Variants in EGFL6 observed in about 807,000 individuals in gnomAD.
EGFL6 encodes EGF like domain multiple 6.
Under a neutral mutation model 43.1 loss-of-function variants are expected in EGFL6, and 42 were observed. The observed-to-expected ratio is 0.98, with a 90% CI of 0.76 to 1.26. The LOEUF (loss-of-function observed/expected upper bound fraction) is 1.26. EGFL6 is among the 50% of genes most tolerant of loss of function. The probability of loss-of-function intolerance (pLI) is 0.00; values close to 1 mark genes in which losing one functional copy is unlikely to be tolerated. For synonymous variants in EGFL6, 164 were observed against 163.2 expected (o/e 1.01, Z -0.04); for missense variants, 429 against 427.8 (o/e 1.00, Z -0.02).
Position 13,614,825 on chromosome X carries a change from G to C in EGFL6, c.779-2905G>C, listed in dbSNP as rs760407845. On this transcript the variant is annotated intron_variant, in intron 7 of 11. Coordinates refer to ENST00000361306, the MANE Select transcript of EGFL6 (RefSeq NM_015507.4). The stretch of plus-strand genomic sequence containing the variant: ...AGTAGTGGCATGATCTCAGCTCACT[G>C]CAACCTCTGCTTCCTGGGTTCAAGC... Among the ~76,000 whole-genome samples, 3 of 107,975 alleles carry C rather than the reference G, an allele frequency of 2.8e-5. No individual in the cohort carries two copies. The East Asian group carries it at 8.7e-4, about 31-fold the overall frequency. The allele number at this position is 107,975 out of a possible 115,157, so 93.8% of individuals were successfully genotyped here. A position where few individuals can be genotyped will look rare whatever the true frequency, so the allele number is the denominator to read the frequency against.
chrX:13,570,969 C>A (rs1184177155), intron 1 of EGFL6, among the ~76,000 whole-genome samples: 1 of 111,308 alleles, frequency 9.0e-6, no homozygotes, highest in Non-Finnish European at 1.9e-5. Flanking sequence ...GTTTTTCCAC[C>A]GCAGCATTAT....
At chrX:13,632,305 T>G (rs1268294138) in intron 11 of EGFL6, among the ~76,000 whole-genome samples, 2 of 96,022 alleles carry the variant, frequency 2.1e-5, no homozygotes, top group African/African-American at 7.7e-5. Context: ...TGGTTTTTTT[T>G]TTTTTTTTTT....
At chrX:13,574,276 C>A (rs1236054674) in intron 1 of EGFL6, among the ~76,000 whole-genome samples, 2 of 111,858 alleles carry the variant, frequency 1.8e-5, no homozygotes, top group Non-Finnish European at 3.8e-5. Context: ...TGGCTCCTGC[C>A]AAGACAAAAA....
intron 1 of EGFL6, among the ~76,000 whole-genome samples, chrX:13,582,692 T>C (rs967582987): frequency 2.4e-4 from 27 of 111,345 alleles, no homozygotes; most frequent in Non-Finnish European, 5.7e-5. Flanking sequence ...GCAATAAAGA[T>C]TGAGAAAATG....
At chrX:13,626,950 A>T (rs2045783647) in intron 10 of EGFL6, 61 bp from the exon 11 acceptor site, 1 of 1,145,929 alleles carries the variant, frequency 8.7e-7, no homozygotes, top group African/African-American at 1.8e-5. Context: ...TTTTTTATAC[A>T]TTAAAGCCAA....
At chrX:13,590,551 T>TAACA (rs1305811842) in intron 2 of EGFL6, among the ~76,000 whole-genome samples, 1 of 112,023 alleles carries the variant, frequency 8.9e-6, no homozygotes, top group African/African-American at 3.3e-5. Flanking sequence ...ATAAAAGCAC[T>TAACA]AACATGTTAG....
intron 1 of EGFL6, among the ~76,000 whole-genome samples, chrX:13,578,481 T>G (rs890770333): frequency 9.3e-6 from 1 of 107,619 alleles, no homozygotes; most frequent in Non-Finnish European, 1.9e-5. Context: ...CATGCACACG[T>G]ATGTTTATTG....
At position 13,594,865 on chromosome X, in the gene EGFL6, G is replaced by C; in HGVS notation, c.217G>C (p.Glu73Gln). Residue 73 changes from glutamate to glutamine, a missense_variant, in exon 3 of 12, where the codon GAG becomes CAG. Physicochemically the swap from Glu to Gln is conservative, Grantham distance 29. Coordinates refer to ENST00000361306, the MANE Select transcript of EGFL6 (RefSeq NM_015507.4). Reference protein sequence around the residue: ...ATCEPGCKFGECVGPNKCRCF... With the variant: ...ATCEPGCKFGQCVGPNKCRCF... ...ATGCGAACCTGGATGTAAGTTTGGT[G>C]AGTGCGTGGGACCAAACAAATGCAG... is the stretch of plus-strand genomic sequence containing the variant. 3 of 1,210,722 alleles carry C rather than the reference G, an allele frequency of 2.5e-6. No individual in the cohort carries two copies. The highest frequency in any genetic ancestry group is 3.4e-6 in the Non-Finnish European group (3 of 894,834).
intron 11 of EGFL6, among the ~76,000 whole-genome samples, chrX:13,631,301 A>C (rs925359491): frequency 2.7e-5 from 3 of 111,871 alleles, no homozygotes; most frequent in Non-Finnish European, 5.6e-5. Context: ...CTCTAGGCCT[A>C]GTCTGCTCTT....
At chrX:13,603,166 T>C in intron 4 of EGFL6, 151 bp from the exon 5 acceptor site, 1 of 651,147 alleles carries the variant, frequency 1.5e-6, no homozygotes, top group South Asian at 3.7e-5. Context: ...TGATCCCTTT[T>C]GGCTCTCCAT....
At chrX:13,570,823 G>C (rs2045437671) in intron 1 of EGFL6, among the ~76,000 whole-genome samples, 1 of 111,931 alleles carries the variant, frequency 8.9e-6, no homozygotes, top group Admixed American at 9.4e-5. Flanking sequence ...GATGGAGCCA[G>C]GGTGCAAACC....
At chrX:13,632,500 C>G (rs2045818534) in intron 11 of EGFL6, among the ~76,000 whole-genome samples, 1 of 108,408 alleles carries the variant, frequency 9.2e-6, no homozygotes, top group African/African-American at 3.4e-5. Context: ...GACGGGGTTT[C>G]ACTGTGTGTT....
chrX:13,606,613 C>A, intron 6 of EGFL6, 100 bp downstream of exon 6: 1 of 956,890 alleles, frequency 1.0e-6, no homozygotes, highest in Non-Finnish European at 1.5e-6. Flanking sequence ...ATTAGTTGAA[C>A]AATCTACTGT....
chrX:13,584,359 C>T (rs971855796), intron 1 of EGFL6, among the ~76,000 whole-genome samples: 2 of 111,827 alleles, frequency 1.8e-5, no homozygotes, highest in African/African-American at 6.5e-5. Context: ...TCTTTCTGGA[C>T]CTTCCTGCTC....
At chrX:13,587,308 C>T (rs1398419826) in intron 1 of EGFL6, among the ~76,000 whole-genome samples, 1 of 112,133 alleles carries the variant, frequency 8.9e-6, no homozygotes, top group Non-Finnish European at 1.9e-5. Flanking sequence ...CACTTATTTA[C>T]TCAGCATACT....
chrX:13,583,099 C>T (rs983836233), intron 1 of EGFL6, among the ~76,000 whole-genome samples: 5 of 109,887 alleles, frequency 4.6e-5, no homozygotes, highest in Non-Finnish European at 5.7e-5. Flanking sequence ...TTTTCTTTTG[C>T]CCCCTGCTGT....
intron 2 of EGFL6, among the ~76,000 whole-genome samples, chrX:13,593,710 G>A (rs941017031): frequency 4.5e-5 from 5 of 112,144 alleles, no homozygotes; most frequent in African/African-American, 1.6e-4. Flanking sequence ...CAATGAATGA[G>A]TTGGTGGTAG....
At chrX:13,595,017 T>C in intron 3 of EGFL6, 89 bp downstream of exon 3, 1 of 633,319 alleles carries the variant, frequency 1.6e-6, no homozygotes, top group Non-Finnish European at 2.3e-6. Context: ...TTCTTAGGGT[T>C]TTTTTAAAGT....
chrX:13,590,635 G>A (rs1569203398), intron 2 of EGFL6, among the ~76,000 whole-genome samples: 1 of 112,005 alleles, frequency 8.9e-6, no homozygotes, highest in Non-Finnish European at 1.9e-5. Context: ...TCTCTGGCTG[G>A]TTAAAAAATA....
Sources: gnomAD v4.1 joint callset for allele counts (sites outside exome capture counted in the v4.1 genomes callset) on GRCh38, gnomAD v4.1.1 for gene constraint, MANE v1.5 for transcripts, NCBI Gene and HGNC (gene_info 2026-07-23, HGNC 2026-07-21) for gene names.